The following ZNF521 variants were observed in gnomAD, a reference collection of about 807,000 sequenced individuals.
ZNF521 encodes zinc finger protein 521, also known as LYST-interacting protein 3.
In ZNF521, 14 loss-of-function variants were observed where a neutral mutation model predicts 105.5. That is an observed-to-expected ratio of 0.13 (90% CI 0.09 to 0.21). The LOEUF is 0.21. ZNF521 is among the 10% of genes least tolerant of loss of function. The pLI is 1.00. For synonymous variants in ZNF521, 635 were observed against 606.0 expected (o/e 1.05, Z -0.70); for missense variants, 1,233 against 1,629.7 (o/e 0.76, Z 4.19).
At chr18:25,163,625 C>T (rs1434415056) in intron 5 of ZNF521, among the ~76,000 whole-genome samples, 2 of 152,132 alleles carry the variant, frequency 1.3e-5, no homozygotes, top group African/African-American at 2.4e-5. Flanking sequence ...TGTGGTAACA[C>T]CATGTACACA....
intron 5 of ZNF521, among the ~76,000 whole-genome samples, chr18:25,142,852 T>G (rs1262849137): frequency 6.6e-6 from 1 of 152,194 alleles, no homozygotes; most frequent in African/African-American, 2.4e-5. Context: ...TTCAGGAGAC[T>G]GTTATTTAAG....
intron 5 of ZNF521, among the ~76,000 whole-genome samples, chr18:25,193,288 T>C (rs73407173): frequency 0.1 from 15,863 of 152,178 alleles, 1,624 homozygotes; most frequent in African/African-American, 0.26. Flanking sequence ...GAACATTCAA[T>C]TGAAATTCTA....
chr18:25,244,892 T>G (rs1284401049), intron 3 of ZNF521, among the ~76,000 whole-genome samples: 1 of 152,170 alleles, frequency 6.6e-6, no homozygotes, highest in East Asian at 1.9e-4. Flanking sequence ...ACCTTATATA[T>G]TTAAATATAT....
intron 3 of ZNF521, among the ~76,000 whole-genome samples, chr18:25,246,346 A>G (rs1187889166): frequency 6.6e-6 from 1 of 152,252 alleles, no homozygotes; most frequent in Non-Finnish European, 1.5e-5. Flanking sequence ...GTGAATATTC[A>G]TAATGTAGAA....
At chr18:25,260,006 T>G (rs1437787460) in intron 3 of ZNF521, among the ~76,000 whole-genome samples, 1 of 152,162 alleles carries the variant, frequency 6.6e-6, no homozygotes, top group Non-Finnish European at 1.5e-5. Context: ...AAGAGAAAGC[T>G]ACAAGATTCT....
intron 3 of ZNF521, among the ~76,000 whole-genome samples, chr18:25,301,185 C>A (rs1911623470): frequency 6.6e-6 from 1 of 152,136 alleles, no homozygotes; most frequent in Non-Finnish European, 1.5e-5. Context: ...AGGGGTCTCA[C>A]ACAGGAGTAG....
At chr18:25,089,646 C>T in intron 6 of ZNF521, 66 bp from the exon 7 acceptor site, 3 of 1,325,332 alleles carry the variant, frequency 2.3e-6, no homozygotes, top group Non-Finnish European at 3.3e-6. Flanking sequence ...GTCGATGACT[C>T]TGCATGAACA....
rs1436249116 is a variant in ZNF521, at chr18:25,352,079, C to T, written c.-76G>A. On this transcript the variant is annotated 5_prime_UTR_variant, in exon 1 of 8. Transcript: ENST00000361524. ...GAAAATGGAAGCAAGGCCCCCAAAG[C>T]CATCAGGATGGCTCCAGAGGGGGCC... The T allele has an allele frequency of 2.0e-6, 1 of 494,970 alleles. No individual in the cohort carries two copies. The highest frequency in any genetic ancestry group is 2.0e-5 in the Admixed American group (1 of 49,486). The allele number at this position is 494,970 out of a possible 1,614,324, so 30.7% of individuals were successfully genotyped here. A position where few individuals can be genotyped will look rare whatever the true frequency, so the allele number is the denominator to read the frequency against.
At chr18:25,344,491 CA>C (rs965168660) in intron 2 of ZNF521, among the ~76,000 whole-genome samples, 4 of 152,112 alleles carry the variant, frequency 2.6e-5, no homozygotes, top group Admixed American at 2.6e-4. Context: ...AGTCCCCAAA[CA>C]AAAAACAGGA....
At chr18:25,224,295 G>C (rs765418655) in intron 4 of ZNF521, 50 bp downstream of exon 4, 2 of 1,483,266 alleles carry the variant, frequency 1.3e-6, no homozygotes, top group Non-Finnish European at 1.9e-6. Context: ...ATAAAGCAGG[G>C]ACCGTTTCTT....
rs754721817 is a variant in ZNF521, at chr18:25,226,387, T to C, written c.1531A>G (p.Asn511Asp). 5.9e-5 allele frequency: 96 copies of C among 1,614,006 alleles called. No homozygotes were observed. Among genetic ancestry groups the C allele is most frequent in the Non-Finnish European group, 8.0e-5 (94 of 1,180,010 alleles). Reference protein sequence around the residue: ...GFANPAAKDSNAFFCPHCYMG... With the variant: ...GFANPAAKDSDAFFCPHCYMG... ...TAGCAATGGGGACAAAAGAATGCAT[T>C]ACTATCTTTAGCTGCAGGGTTTGCA... is the stretch of plus-strand genomic sequence containing the variant. The change falls in exon 4 of 8, where the codon AAT (asparagine) becomes GAT (aspartate). Residue 511 changes from asparagine (N) to aspartate (D), a missense_variant. By Grantham distance (23) the Asn-to-Asp change is conservative. Coordinates refer to ENST00000361524, the MANE Select transcript of ZNF521 (RefSeq NM_015461.3). This position sits in a 1 kb window ranked among gnomAD's most constrained non-coding sequence, Gnocchi z 4.1.
intron 2 of ZNF521, among the ~76,000 whole-genome samples, chr18:25,342,408 G>GC (rs1555667604): frequency 9.0e-6 from 1 of 110,884 alleles, no homozygotes; most frequent in Non-Finnish European, 2.0e-5. Flanking sequence ...TCTTTCCTTT[G>GC]TTTTTTTTTT....
chr18:25,149,352 T>C (rs1021668824), intron 5 of ZNF521, among the ~76,000 whole-genome samples: 8 of 152,192 alleles, frequency 5.3e-5, no homozygotes, highest in Non-Finnish European at 1.2e-4. Flanking sequence ...ATAGTAAGTA[T>C]TAAATGGTAA....
In ZNF521 at chr18:25,351,988, C is replaced by T; in HGVS notation, c.-2+17G>A. 2.3e-6 allele frequency: 1 copy of T among 436,980 alleles called. No individual in the cohort carries two copies. Among genetic ancestry groups the T allele is most frequent in the Middle Eastern group, 3.8e-4 (1 of 2,600 alleles). 27.1% of individuals were successfully genotyped at this position (436,980 alleles called of 1,614,324 possible). A position where few individuals can be genotyped will look rare whatever the true frequency, so the allele number is the denominator to read the frequency against. ...GAGGAGAAGGAGTGTGCTGTGTGCTCCCTCCTCATCACAAACCTGCAAGGT... is the reference window on the plus strand; with the variant it reads ...GAGGAGAAGGAGTGTGCTGTGTGCTTCCTCCTCATCACAAACCTGCAAGGT... On this transcript the variant is annotated intron_variant, in intron 1 of 7. Coordinates refer to ENST00000361524, the MANE Select transcript of ZNF521 (RefSeq NM_015461.3).
chr18:25,144,909 A>G (rs2034915008), intron 5 of ZNF521, among the ~76,000 whole-genome samples: 1 of 152,162 alleles, frequency 6.6e-6, no homozygotes, highest in Non-Finnish European at 1.5e-5. Context: ...GCCCCCATTT[A>G]TATCATACAA....
chr18:25,336,388 T>C (rs1194970370), intron 2 of ZNF521, among the ~76,000 whole-genome samples: 2 of 152,218 alleles, frequency 1.3e-5, no homozygotes, highest in Non-Finnish European at 2.9e-5. Flanking sequence ...CATAATGATA[T>C]GTGAATTATT....
Position 25,062,407 on chromosome 18 carries a change from C to T in ZNF521, c.*305G>A. On this transcript the variant is annotated 3_prime_UTR_variant, in exon 8 of 8. Transcript: ENST00000361524. ...TCCTTAAAAATACTTTATCTTAAGC[C>T]ATTTTGGTCATAGTCTTTTTTTTTT... 1 of 334,238 alleles carries T rather than the reference C, an allele frequency of 3.0e-6. No individual in the cohort carries two copies. Among genetic ancestry groups the T allele is most frequent in the Non-Finnish European group, 5.3e-6 (1 of 188,870 alleles). The allele number at this position is 334,238 out of a possible 1,614,324, so 20.7% of individuals were successfully genotyped here.
At chr18:25,114,975 T>C (rs1220474691) in intron 5 of ZNF521, among the ~76,000 whole-genome samples, 1 of 152,220 alleles carries the variant, frequency 6.6e-6, no homozygotes, top group Non-Finnish European at 1.5e-5. Flanking sequence ...TTATTTTTTT[T>C]CCTATGAATA....
rs77775159 is a variant in ZNF521, at chr18:25,296,625, C to A, written c.220+25383G>T. 5.5e-3 allele frequency among the ~76,000 whole-genome samples: 832 copies of A among 152,254 alleles called. 6 individuals carry two copies. Among genetic ancestry groups the A allele is most frequent in the African/African-American group, 0.019 (771 of 41,546 alleles). ...AGTGTTTTGGCCTTCTCAGGTCACA[C>A]AATGGTGTACACATCTAACTTTCTT... On this transcript the variant is annotated intron_variant, in intron 3 of 7. Transcript: ENST00000361524.
Sources: gnomAD v4.1 joint callset for allele counts (sites outside exome capture counted in the v4.1 genomes callset) on GRCh38, gnomAD v4.1.1 for gene constraint, Gnocchi (gnomAD v3.1) non-coding constraint, MANE v1.5 for transcripts, NCBI Gene and HGNC (gene_info 2026-07-23, HGNC 2026-07-21) for gene names.